RASA3: variants seen among roughly 807,000 people sequenced by gnomAD.
RASA3 encodes the protein ras GTPase-activating protein 3.
A neutral mutation model predicts 110.0 loss-of-function variants in RASA3; 73 were observed. The ratio of observed to expected loss-of-function variants is 0.66; its 90% CI spans 0.55 to 0.81. RASA3 has a LOEUF of 0.81. Ranked by LOEUF, RASA3 falls within the 30% of genes least tolerant of loss-of-function variation. The pLI is 0.00. For synonymous variants in RASA3, 500 were observed against 451.4 expected (o/e 1.11, Z -1.37); for missense variants, 976 against 1,113.2 (o/e 0.88, Z 1.75).
intron 4 of RASA3, among the ~76,000 whole-genome samples, chr13:114,038,593 C>G (rs1379518445): frequency 1.3e-5 from 2 of 152,244 alleles, no homozygotes; most frequent in Non-Finnish European, 2.9e-5. Context: ...GGCTCATGGT[C>G]AACTTCATGA....
chr13:114,132,574 C>A lies in RASA3; in HGVS notation c.-85G>T. ...GGCCGAGCAGGAGGAGCGGCGGCGC[C>A]GGAGCCCCGAGCGCGGCCGAGGGTC... On this transcript the variant is annotated 5_prime_UTR_variant, in exon 1 of 24. Coordinates refer to ENST00000334062, the MANE Select transcript of RASA3 (RefSeq NM_007368.4). 9.4e-6 allele frequency: 11 copies of A among 1,169,036 alleles called. No individual in the cohort carries two copies. Among genetic ancestry groups the A allele is most frequent in the Non-Finnish European group, 1.2e-5 (11 of 936,800 alleles). 72.4% of individuals were successfully genotyped at this position (1,169,036 alleles called of 1,614,324 possible). A position where few individuals can be genotyped will look rare whatever the true frequency, so the allele number is the denominator to read the frequency against.
intron 1 of RASA3, chr13:114,107,792 G>T (rs1176655265): frequency 1.3e-5 from 2 of 152,218 alleles, no homozygotes; most frequent in Non-Finnish European, 2.9e-5. Flanking sequence ...ATGAATCAGC[G>T]GGGCCATTCA....
At chr13:114,042,540 G>A (rs569488321) in intron 3 of RASA3, among the ~76,000 whole-genome samples, 5 of 152,324 alleles carry the variant, frequency 3.3e-5, no homozygotes, top group South Asian at 2.1e-4. Flanking sequence ...CTGGGTCCCC[G>A]CAGACCCGGT....
intron 1 of RASA3, among the ~76,000 whole-genome samples, chr13:114,079,669 C>A (rs969631686): frequency 2.0e-5 from 3 of 152,230 alleles, no homozygotes; most frequent in African/African-American, 7.2e-5. Context: ...CTGGCAGGGT[C>A]TCAGTGAGGC....
chr13:114,011,126 G>GA lies in RASA3; in HGVS notation c.1590+44dup. 6.7e-7 allele frequency: 1 copy of GA among 1,497,648 alleles called. No homozygotes were observed. The highest frequency in any genetic ancestry group is 9.3e-7 in the Non-Finnish European group (1 of 1,079,616). 92.8% of individuals were successfully genotyped at this position (1,497,648 alleles called of 1,614,324 possible). On this transcript the variant is annotated intron_variant, in intron 16 of 23. Transcript: ENST00000334062. This position sits in a 1 kb window ranked among gnomAD's most constrained non-coding sequence, Gnocchi z 4.8. ...ACGTGTATTTTCTGAAGAGAGAAAA[G>GA]AATCAGTTGTCCCTAAAAAGAGAAA...
chr13:113,981,965 C>T (rs531657266), intron 22 of RASA3, 107 bp from the exon 23 acceptor site: 18 of 1,004,706 alleles, frequency 1.8e-5, no homozygotes, highest in Admixed American at 1.6e-4. Flanking sequence ...ATCCTTCCAA[C>T]GCAAGCTCCT....
rs2053831646 is a variant in RASA3 at position 114,018,025 on chromosome 13, C to T, written c.1091+79G>A. 2.1e-6 allele frequency: 3 copies of T among 1,405,692 alleles called. 1 individual carries two copies. In the South Asian group the frequency reaches 4.7e-5, roughly 22 times the overall value. The allele number at this position is 1,405,692 out of a possible 1,614,324, so 87.1% of individuals were successfully genotyped here. A position where few individuals can be genotyped will look rare whatever the true frequency, so the allele number is the denominator to read the frequency against. On this transcript the variant is annotated intron_variant, in intron 11 of 23. Coordinates refer to ENST00000334062, the MANE Select transcript of RASA3 (RefSeq NM_007368.4). ...AATTCCCTCAAGCCCTGCCCCAGGA[C>T]ACGTGGTTCTCGGCGACGACCTTGC...
At chr13:114,089,640 C>T (rs1210924586) in intron 1 of RASA3, among the ~76,000 whole-genome samples, 1 of 152,190 alleles carries the variant, frequency 6.6e-6, no homozygotes, top group African/African-American at 2.4e-5. Context: ...CGCACGGCCG[C>T]CCCACAGCCT....
chr13:114,074,573 C>T (rs1438799531), intron 1 of RASA3, among the ~76,000 whole-genome samples: 1 of 152,204 alleles, frequency 6.6e-6, no homozygotes, highest in Non-Finnish European at 1.5e-5. Context: ...AAAGTTGGAG[C>T]CAGAATTAAA....
At chr13:114,094,151 GA>G (rs1272420673) in intron 1 of RASA3, among the ~76,000 whole-genome samples, 2 of 152,174 alleles carry the variant, frequency 1.3e-5, no homozygotes, top group African/African-American at 4.8e-5. Flanking sequence ...GAGTCCCACA[GA>G]GAGACTTTTG....
At position 114,082,230 on chromosome 13, in the gene RASA3, C is replaced by T. The variant is rs558761889; in HGVS notation, c.56-8393G>A. Among the ~76,000 whole-genome samples, 12 of 152,324 alleles carry T rather than the reference C, an allele frequency of 7.9e-5. No homozygotes were observed. The East Asian group carries it at 2.3e-3, about 29-fold the overall frequency. On this transcript the variant is annotated intron_variant, in intron 1 of 23. Transcript: ENST00000334062. Reference sequence around the variant, plus strand: ...GGGCAGGCAGGAGGCCAGAGACGTCCACGTCTGAGACAAAGGACATCACCG... The same window carrying T: ...GGGCAGGCAGGAGGCCAGAGACGTCTACGTCTGAGACAAAGGACATCACCG...
At chr13:114,024,408 G>A (rs1005951793) in intron 7 of RASA3, 53 bp from the exon 8 acceptor site, 2 of 1,543,534 alleles carry the variant, frequency 1.3e-6, no homozygotes, top group East Asian at 2.3e-5. Context: ...CCAGGCGGGG[G>A]TATATGCGGA....
At chr13:114,031,613 G>C (rs1426977442) in intron 4 of RASA3, among the ~76,000 whole-genome samples, 1 of 152,156 alleles carries the variant, frequency 6.6e-6, no homozygotes, top group Non-Finnish European at 1.5e-5. Context: ...CCGCCTGTGT[G>C]TATGTGTGAC....
At chr13:113,989,291 CCACCCATTACT>C (rs2053046644) in intron 22 of RASA3, among the ~76,000 whole-genome samples, 2 of 150,102 alleles carry the variant, frequency 1.3e-5, no homozygotes, top group South Asian at 4.3e-4. Context: ...ATCCGTCCAT[CCACCCATTACT>C]CACCCATCTG....
At chr13:114,094,319 A>C (rs2079919529) in intron 1 of RASA3, among the ~76,000 whole-genome samples, 1 of 152,248 alleles carries the variant, frequency 6.6e-6, no homozygotes, top group African/African-American at 2.4e-5. Flanking sequence ...TGTGCAAATC[A>C]AAACAAACAC....
At chr13:114,010,192 G>A (rs1285987588) in intron 16 of RASA3, among the ~76,000 whole-genome samples, 2 of 152,136 alleles carry the variant, frequency 1.3e-5, no homozygotes, top group South Asian at 2.1e-4. Context: ...GAAACCCAAC[G>A]TTTGCCCCAA....
chr13:113,996,451 T>C, intron 21 of RASA3, 80 bp downstream of exon 21: 4 of 1,371,690 alleles, frequency 2.9e-6, no homozygotes, highest in Non-Finnish European at 4.0e-6. Flanking sequence ...GCATGCACTG[T>C]CTGCTGGTCC....
chr13:114,110,889 CA>C (rs2080208855), intron 1 of RASA3, among the ~76,000 whole-genome samples: 1 of 152,098 alleles, frequency 6.6e-6, no homozygotes, highest in Non-Finnish European at 1.5e-5. Context: ...TCGGGGGCAG[CA>C]GAGTGAGGGT....
At position 114,114,280 on chromosome 13, in the gene RASA3, G is replaced by C. The variant is rs1018220122; in HGVS notation, c.55+18155C>G. ...CAAATTCAGCTGCGGAGTGCAAAAC[G>C]AATTTCCTCCTGTCACACGCTAACT... On this transcript the variant is annotated intron_variant, in intron 1 of 23. Transcript: ENST00000334062. The surrounding 1 kb of genome is among the most constrained non-coding windows in gnomAD (Gnocchi z 4.8). Among the ~76,000 whole-genome samples, 3 of 152,198 alleles carry C rather than the reference G, an allele frequency of 2.0e-5. No homozygotes were observed. The highest frequency in any genetic ancestry group is 7.2e-5 in the African/African-American group (3 of 41,446).
Sources: gnomAD v4.1 joint callset for allele counts (sites outside exome capture counted in the v4.1 genomes callset) on GRCh38, gnomAD v4.1.1 for gene constraint, Gnocchi (gnomAD v3.1) non-coding constraint, MANE v1.5 for transcripts, NCBI Gene and HGNC (gene_info 2026-07-23, HGNC 2026-07-21) for gene names.